SMC2: variants seen among roughly 807,000 people sequenced by gnomAD.
The protein encoded by SMC2 is structural maintenance of chromosomes protein 2.
SMC2 carries 41 observed loss-of-function variants against 142.6 expected under a neutral mutation model. The ratio of observed to expected loss-of-function variants is 0.29; its 90% CI spans 0.22 to 0.37. The LOEUF (loss-of-function observed/expected upper bound fraction) is 0.37. SMC2 is among the 10% of genes least tolerant of loss of function. SMC2 has a pLI of 1.00. For missense variants in SMC2, 1,265 were observed against 1,373.7 expected, an observed-to-expected ratio of 0.92 and a Z score of 1.25; for synonymous variants, 463 against 457.5, an observed-to-expected ratio of 1.01 and a Z score of -0.15.
At chr9:104,109,767 T>G (rs1832221662) in intron 9 of SMC2, among the ~76,000 whole-genome samples, 1 of 152,034 alleles carries the variant, frequency 6.6e-6, no homozygotes, top group Non-Finnish European at 1.5e-5. Flanking sequence ...AAGAAGAAGT[T>G]AAGTTGTCAT....
In SMC2 at chr9:104,134,510, G is replaced by A. The variant is rs1466940666; in HGVS notation, c.3204G>A (p.Leu1068=). The A allele has an allele frequency of 1.2e-6, 2 of 1,612,438 alleles. No homozygotes were observed. The highest frequency in any genetic ancestry group is 2.7e-5 in the African/African-American group (2 of 74,810). Residue 1068 remains leucine, a synonymous_variant, in exon 23 of 25, where the codon CTG becomes CTA. Transcript: ENST00000374793. ...AGGGTCAAACTGTTTTGGATGGTCT[G>A]GAGTTCAAGGTTGCCTTGGGAAATA... The part of the protein sequence containing the change: ...PPEGQTVLDG[L]EFKVALGNTW...
intron 13 of SMC2, among the ~76,000 whole-genome samples, chr9:104,115,925 A>AAAAG (rs1833056594): frequency 6.6e-6 from 1 of 151,740 alleles, no homozygotes. Flanking sequence ...TTTTTTTTTT[A>AAAAG]AAAGATTCCA....
chr9:104,093,868 G>C (rs192365326), upstream of SMC2, among the ~76,000 whole-genome samples: 1 of 151,886 alleles, frequency 6.6e-6, no homozygotes. Flanking sequence ...AACCCGAGAA[G>C]ATTCTGAAGC....
chr9:104,129,808 T>G lies in SMC2; in HGVS notation c.2954T>G (p.Met985Arg). 2 of 1,613,816 alleles carry G rather than the reference T, an allele frequency of 1.2e-6. No individual in the cohort carries two copies. Among genetic ancestry groups the G allele is most frequent in the Non-Finnish European group, 1.7e-6 (2 of 1,179,852 alleles). ...GAGAAACTAGGAAGAAATGTCAATA[T>G]GAGAGCTATGAATGTATTGACAGAA... The part of the protein sequence containing the change: ...MKEKLGRNVN[M>R]RAMNVLTEAE... The change falls in exon 21 of 25, where the codon ATG (methionine) becomes AGG (arginine). Residue 985 changes from methionine (M) to arginine (R), a missense_variant. Physicochemically the swap from Met to Arg is moderately conservative, Grantham distance 91. Transcript: ENST00000374793.
At chr9:104,102,253 A>ATAATT in intron 8 of SMC2, 60 bp downstream of exon 8, 2 of 1,082,182 alleles carry the variant, frequency 1.8e-6, no homozygotes, top group Non-Finnish European at 2.7e-6. Context: ...TAAATTATAT[A>ATAATT]TAGTAACTAT....
upstream of SMC2, among the ~76,000 whole-genome samples, chr9:104,093,713 T>G (rs1487848264): frequency 6.6e-6 from 1 of 152,160 alleles, no homozygotes; most frequent in Non-Finnish European, 1.5e-5. Flanking sequence ...ACGATCCCTT[T>G]CCGACGTGGA....
At chr9:104,107,424 A>G (rs1387185849) in intron 9 of SMC2, among the ~76,000 whole-genome samples, 1 of 152,184 alleles carries the variant, frequency 6.6e-6, no homozygotes, top group African/African-American at 2.4e-5. Flanking sequence ...GGTTGTGGAC[A>G]CCTGTCATTG....
chr9:104,116,232 A>C lies in SMC2; in HGVS notation c.1704A>C (p.Glu568Asp). The C allele has an allele frequency of 6.2e-7, 1 of 1,605,838 alleles. No individual in the cohort carries two copies. Among genetic ancestry groups the C allele is most frequent in the Non-Finnish European group, 8.5e-7 (1 of 1,177,158 alleles). Residue 568 changes from glutamate (E) to aspartate (D), a missense_variant, in exon 14 of 25, where the codon GAA becomes GAC. By Grantham distance (45) the Glu-to-Asp change is conservative. Around this residue, in one of 4 missense-constraint regions of SMC2, gnomAD observed 898 missense variants for 904.2 expected, o/e 0.99. Transcript: ENST00000374793. ...GTAAAAAGCTACTAGAAAGGGGGGAACTGAAACGTCGATACACTATAATTC... is the reference window on the plus strand; with the variant it reads ...GTAAAAAGCTACTAGAAAGGGGGGACCTGAAACGTCGATACACTATAATTC... ...VTGKKLLERGELKRRYTIIPL... is the reference protein window; with the variant it reads ...VTGKKLLERGDLKRRYTIIPL...
At chr9:104,134,011 T>C (rs947936091) in intron 22 of SMC2, among the ~76,000 whole-genome samples, 13 of 152,164 alleles carry the variant, frequency 8.5e-5, no homozygotes, top group African/African-American at 1.4e-4. Flanking sequence ...GTGTTTTTTT[T>C]CCTCATGTGA....
At position 104,129,613 on chromosome 9, in the gene SMC2, T is replaced by C; in HGVS notation, c.2791-32T>C. 3 of 1,523,184 alleles carry C rather than the reference T, an allele frequency of 2.0e-6. No homozygotes were observed. The South Asian group carries it at 3.4e-5, about 17-fold the overall frequency. 94.4% of individuals were successfully genotyped at this position (1,523,184 alleles called of 1,614,324 possible). A position where few individuals can be genotyped will look rare whatever the true frequency, so the allele number is the denominator to read the frequency against. Reference sequence around the variant, plus strand: ...ATACATATTGGTTTGTAAACATTCATAGATCTCCCATCTATTTTTATATGT... The same window carrying C: ...ATACATATTGGTTTGTAAACATTCACAGATCTCCCATCTATTTTTATATGT... On this transcript the variant is annotated intron_variant, in intron 20 of 24. Coordinates refer to ENST00000374793, the MANE Select transcript of SMC2 (RefSeq NM_006444.3).
In SMC2 at chr9:104,102,149, G is replaced by A. The variant is rs764311792; in HGVS notation, c.826G>A (p.Ala276Thr). ...ELSENDKKIKALNHEIEELEK... is the reference protein window; with the variant it reads ...ELSENDKKIKTLNHEIEELEK... Reference sequence around the variant, plus strand: ...GTCTGAGAATGATAAAAAAATAAAAGCACTTAATCATGAAATAGAAGAATT... The same window carrying A: ...GTCTGAGAATGATAAAAAAATAAAAACACTTAATCATGAAATAGAAGAATT... Residue 276 changes from alanine to threonine, a missense_variant, in exon 8 of 25, where the codon GCA (alanine) becomes ACA (threonine). By Grantham distance (58) the Ala-to-Thr change is moderately conservative. Around this residue, in one of 4 missense-constraint regions of SMC2, gnomAD observed 898 missense variants for 904.2 expected, o/e 0.99. Coordinates refer to ENST00000374793, the MANE Select transcript of SMC2 (RefSeq NM_006444.3). 3 of 1,579,764 alleles carry A rather than the reference G, an allele frequency of 1.9e-6. No individual in the cohort carries two copies. Among genetic ancestry groups the A allele is most frequent in the Non-Finnish European group, 2.6e-6 (3 of 1,152,878 alleles).
At chr9:104,094,563 CG>C in intron 1 of SMC2, 86 bp downstream of exon 1, 1 of 246,700 alleles carries the variant, frequency 4.1e-6, no homozygotes, top group Non-Finnish European at 7.2e-6. Flanking sequence ...GCGCGGGGCG[CG>C]GGGGCTGTAG....
intron 23 of SMC2, chr9:104,135,857 A>G (rs1835473923): frequency 1.9e-6 from 1 of 518,694 alleles, no homozygotes; most frequent in South Asian, 1.4e-5. Flanking sequence ...GGCAATATGA[A>G]TACTTTTCAG....
chr9:104,106,481 C>A (rs981356175), intron 9 of SMC2, among the ~76,000 whole-genome samples: 1 of 152,074 alleles, frequency 6.6e-6, no homozygotes, highest in East Asian at 1.9e-4. Flanking sequence ...TTGCACTCCA[C>A]CCCCCGGGCT....
At chr9:104,098,884 G>C (rs185064718) in intron 4 of SMC2, among the ~76,000 whole-genome samples, 1 of 149,944 alleles carries the variant, frequency 6.7e-6, no homozygotes, top group Admixed American at 6.7e-5. Flanking sequence ...TTGGATTAAT[G>C]CATCTTAATA....
At chr9:104,095,291 C>T in intron 1 of SMC2, 33 bp from the exon 2 acceptor site, 6 of 977,920 alleles carry the variant, frequency 6.1e-6, no homozygotes, top group Non-Finnish European at 9.3e-6. Flanking sequence ...GGTTTACATT[C>T]CACTTAGGTG....
chr9:104,122,610 T>C (rs1002916161), intron 16 of SMC2, among the ~76,000 whole-genome samples: 1 of 152,070 alleles, frequency 6.6e-6, no homozygotes, highest in South Asian at 2.1e-4. Flanking sequence ...AGGGATAGAA[T>C]TACAAAGTTT....
chr9:104,101,797 T>C (rs1587899939), intron 7 of SMC2, among the ~76,000 whole-genome samples, 163 bp from the exon 8 acceptor site: 1 of 152,240 alleles, frequency 6.6e-6, no homozygotes, highest in East Asian at 1.9e-4. Context: ...CTAAAAGTCC[T>C]GACTTCTGAT....
chr9:104,108,868 T>G (rs1832108492), intron 9 of SMC2, among the ~76,000 whole-genome samples: 1 of 152,200 alleles, frequency 6.6e-6, no homozygotes, highest in South Asian at 2.1e-4. Context: ...CAGCTTGCCC[T>G]GGGTTTATAC....
Sources: allele counts gnomAD v4.1 joint callset (sites outside exome capture counted in the v4.1 genomes callset), GRCh38; gene constraint gnomAD v4.1.1; regional missense constraint gnomAD v4.1.1; transcripts MANE v1.5; gene names NCBI Gene and HGNC (gene_info 2026-07-23, HGNC 2026-07-21).